TRDN: variants seen among roughly 807,000 people sequenced by gnomAD.
The protein encoded by TRDN is triadin.
Under a neutral mutation model 149.7 loss-of-function variants are expected in TRDN, and 161 were observed. The ratio of observed to expected loss-of-function variants is 1.08; its 90% confidence interval spans 0.95 to 1.23. The LOEUF (loss-of-function observed/expected upper bound fraction) is 1.23, where lower values mean the gene tolerates loss of function less well. Among genes scored for constraint, TRDN ranks in the 50% most tolerant of loss-of-function variants. TRDN has a pLI of 0.00. For synonymous variants in TRDN, 294 were observed against 250.5 expected, an observed-to-expected ratio of 1.17 and a Z score of -1.64; for missense variants, 896 against 823.5, an observed-to-expected ratio of 1.09 and a Z score of -1.08.
At chr6:123,583,213 C>A (rs1052488108) in intron 1 of TRDN, among the ~76,000 whole-genome samples, 35 of 152,008 alleles carry the variant, frequency 2.3e-4, no homozygotes, top group African/African-American at 8.5e-4. Flanking sequence ...AAACTGTAAA[C>A]CGGCAGTGTA....
At chr6:123,578,809 C>T (rs909913586) in intron 1 of TRDN, among the ~76,000 whole-genome samples, 3 of 151,902 alleles carry the variant, frequency 2.0e-5, no homozygotes, top group African/African-American at 7.3e-5. Flanking sequence ...GTTTGTTTTG[C>T]CTTCTCTGTT....
At chr6:123,243,575 A>G (rs529699616) in intron 38 of TRDN, among the ~76,000 whole-genome samples, 4 of 152,282 alleles carry the variant, frequency 2.6e-5, no homozygotes, top group African/African-American at 9.6e-5. Flanking sequence ...TAAAAAAGAG[A>G]TAGCTATTTT....
At chr6:123,622,157 C>T (rs1785417993) in intron 1 of TRDN, among the ~76,000 whole-genome samples, 1 of 152,054 alleles carries the variant, frequency 6.6e-6, no homozygotes, top group South Asian at 2.1e-4. Context: ...CCTCAGTCTA[C>T]TCAATGTGAA....
intron 9 of TRDN, chr6:123,471,438 C>A (rs1300072308): frequency 6.6e-6 from 1 of 152,142 alleles, no homozygotes; most frequent in Non-Finnish European, 1.5e-5. Flanking sequence ...CCCAATAATA[C>A]ATCTTATTGT....
intron 5 of TRDN, among the ~76,000 whole-genome samples, chr6:123,526,716 A>G (rs1019233564): frequency 6.6e-6 from 1 of 152,060 alleles, no homozygotes; most frequent in African/African-American, 2.4e-5. Context: ...TAAGAAGGGA[A>G]ACACAAATAT....
At chr6:123,560,981 C>A (rs897561543) in intron 2 of TRDN, among the ~76,000 whole-genome samples, 10 of 152,164 alleles carry the variant, frequency 6.6e-5, no homozygotes, top group African/African-American at 2.4e-4. Context: ...TCCTACACAT[C>A]AAGCTCAGGG....
At chr6:123,609,182 AAAAC>A (rs1784670319) in intron 1 of TRDN, among the ~76,000 whole-genome samples, 1 of 152,112 alleles carries the variant, frequency 6.6e-6, no homozygotes, top group African/African-American at 2.4e-5. Flanking sequence ...CAAAAAAACA[AAAAC>A]AAAAAGAATG....
At chr6:123,608,737 G>A (rs1784640608) in intron 1 of TRDN, among the ~76,000 whole-genome samples, 1 of 152,090 alleles carries the variant, frequency 6.6e-6, no homozygotes, top group South Asian at 2.1e-4. Context: ...TTAAAACTGG[G>A]ATACGTTTTC....
At chr6:123,609,282 CTT>C (rs542503321) in intron 1 of TRDN, among the ~76,000 whole-genome samples, 14 of 152,018 alleles carry the variant, frequency 9.2e-5, no homozygotes, top group Non-Finnish European at 1.9e-4. Flanking sequence ...TGGAGTAAAA[CTT>C]ATATTTACTG....
chr6:123,311,980 A>C (rs1481700912), intron 24 of TRDN, among the ~76,000 whole-genome samples: 1 of 152,008 alleles, frequency 6.6e-6, no homozygotes, highest in African/African-American at 2.4e-5. Context: ...AGAGGAATTA[A>C]TAGAAGATAA....
chr6:123,478,099 C>G (rs1257286268), intron 9 of TRDN, among the ~76,000 whole-genome samples: 3 of 149,288 alleles, frequency 2.0e-5, no homozygotes, highest in African/African-American at 4.9e-5. Context: ...AAAAAAAAAC[C>G]TAATATAAGA....
At position 123,636,478 on chromosome 6, in the gene TRDN, A is replaced by C. The variant is rs9490844; in HGVS notation, c.22+276T>G. 0.17 allele frequency among the ~76,000 whole-genome samples: 25,644 copies of C among 151,852 alleles called. 4,502 individuals carry two copies. Among genetic ancestry groups the C allele is most frequent in the African/African-American group, 0.45 (18,780 of 41,424 alleles). ...GTTACATGACCATAGCTATTTATAGAGGTGTGAGTAACAACTGTTAACTAG... is the reference window on the plus strand; with the variant it reads ...GTTACATGACCATAGCTATTTATAGCGGTGTGAGTAACAACTGTTAACTAG... On this transcript the variant is annotated intron_variant, in intron 1 of 40. Transcript: ENST00000334268.
intron 1 of TRDN, among the ~76,000 whole-genome samples, chr6:123,579,073 T>C (rs1782994495): frequency 6.6e-6 from 1 of 152,222 alleles, no homozygotes; most frequent in Non-Finnish European, 1.5e-5. Context: ...TATTTTTAAA[T>C]ATAGAATCAT....
chr6:123,503,507 C>T, intron 8 of TRDN: 1 of 1,381,756 alleles, frequency 7.2e-7, no homozygotes. Context: ...CTTCAAAATG[C>T]CCCTTTAGAT....
chr6:123,556,150 A>C (rs1781643006), intron 2 of TRDN, among the ~76,000 whole-genome samples: 1 of 152,200 alleles, frequency 6.6e-6, no homozygotes, highest in Non-Finnish European at 1.5e-5. Context: ...GAAGAGTATG[A>C]GGAAACCACA....
intron 5 of TRDN, among the ~76,000 whole-genome samples, chr6:123,519,264 T>C (rs185639927): frequency 2.2e-4 from 33 of 152,312 alleles, no homozygotes; most frequent in African/African-American, 5.8e-4. Context: ...ATGGGCCTGC[T>C]GTTCCTGCCC....
intron 12 of TRDN, among the ~76,000 whole-genome samples, chr6:123,414,706 T>G (rs1337599462): frequency 6.6e-6 from 1 of 152,060 alleles, no homozygotes; most frequent in Non-Finnish European, 1.5e-5. Context: ...TATATGCAAA[T>G]TTAGTGATTC....
In TRDN at chr6:123,426,531, G is replaced by T. The variant is rs117848918; in HGVS notation, c.1051+11532C>A. Among the ~76,000 whole-genome samples the T allele has an allele frequency of 4.3e-4, 65 of 152,212 alleles. No individual in the cohort carries two copies. The East Asian group carries it at 0.012, about 28-fold the overall frequency. On this transcript the variant is annotated intron_variant, in intron 12 of 40. Transcript: ENST00000334268. ...TTTTTAGAGGGAAGACAGCCCAAGTGGTTTACCACATTCCGCTGATAGGCT... is the reference window on the plus strand; with the variant it reads ...TTTTTAGAGGGAAGACAGCCCAAGTTGTTTACCACATTCCGCTGATAGGCT...
chr6:123,481,472 T>C lies in TRDN; in HGVS notation c.853+15721A>G, dbSNP rs1284969433. Among the ~76,000 whole-genome samples, 4 of 151,748 alleles carry C rather than the reference T, an allele frequency of 2.6e-5. No individual in the cohort carries two copies. In the East Asian group the frequency reaches 5.8e-4, roughly 22 times the overall value. ...GGACCCTCTGTTTTTGAAAACATAT[T>C]TGTAATCCTCCCTAAGTCCTGGAGA... On this transcript the variant is annotated intron_variant, in intron 9 of 40. Coordinates refer to ENST00000334268, the MANE Select transcript of TRDN (RefSeq NM_006073.4).
Sources: allele counts gnomAD v4.1 joint callset (sites outside exome capture counted in the v4.1 genomes callset), GRCh38; gene constraint gnomAD v4.1.1; transcripts MANE v1.5; gene names NCBI Gene and HGNC (gene_info 2026-07-23, HGNC 2026-07-21).